The following LUZP2 variants were observed in gnomAD, a reference collection of about 807,000 sequenced individuals.
LUZP2 encodes the protein leucine zipper protein 2.
In LUZP2, 52 loss-of-function variants were observed where a neutral mutation model predicts 51.6. That is an observed-to-expected ratio of 1.01 (90% CI 0.81 to 1.27). LUZP2 has a LOEUF of 1.27. Ranked by LOEUF, LUZP2 falls within the 50% of genes most tolerant of loss-of-function variation. LUZP2 has a pLI of 0.00. For missense variants in LUZP2, 436 were observed against 395.4 expected (o/e 1.10, Z -0.87); for synonymous variants, 154 against 137.3 (o/e 1.12, Z -0.85).
Position 25,081,844 on chromosome 11 carries a change from A to T in LUZP2, c.*3186A>T, listed in dbSNP as rs899395792. 2.6e-5 allele frequency: 4 copies of T among 152,188 alleles called. No homozygotes were observed. Among genetic ancestry groups the T allele is most frequent in the Non-Finnish European group, 5.9e-5 (4 of 68,006 alleles). 9.4% of individuals were successfully genotyped at this position (152,188 alleles called of 1,614,324 possible). On this transcript the variant is annotated 3_prime_UTR_variant, in exon 12 of 12. Transcript: ENST00000336930. ...GAATTGATTCTTATTAAGAAAAAAG[A>T]TATTTTCCAATGGAGTAACTTGTTT... is the stretch of plus-strand genomic sequence containing the variant.
intron 1 of LUZP2, among the ~76,000 whole-genome samples, chr11:24,711,382 G>A (rs910788100): frequency 1.3e-5 from 2 of 151,910 alleles, no homozygotes; most frequent in Admixed American, 6.6e-5. Context: ...CCCGGGAGGC[G>A]GAGCTTGCAG....
At chr11:24,708,292 C>T (rs1442902213) in intron 1 of LUZP2, among the ~76,000 whole-genome samples, 1 of 152,034 alleles carries the variant, frequency 6.6e-6, no homozygotes, top group African/African-American at 2.4e-5. Flanking sequence ...CTCATAGTCA[C>T]ACTCAATGAT....
At chr11:24,527,270 C>G (rs1590138952) in intron 1 of LUZP2, among the ~76,000 whole-genome samples, 1 of 151,178 alleles carries the variant, frequency 6.6e-6, no homozygotes, top group South Asian at 2.1e-4. Flanking sequence ...AAAGAACAGG[C>G]AATAGTGGGA....
chr11:24,735,696 T>C (rs1242033328), intron 3 of LUZP2, among the ~76,000 whole-genome samples: 1 of 151,944 alleles, frequency 6.6e-6, no homozygotes, highest in East Asian at 1.9e-4. Context: ...AATGGTCCTT[T>C]AAAATTCTTT....
At chr11:24,694,252 T>C (rs2133894965) in intron 1 of LUZP2, among the ~76,000 whole-genome samples, 1 of 152,194 alleles carries the variant, frequency 6.6e-6, no homozygotes, top group African/African-American at 2.4e-5. Flanking sequence ...CATTATGTGT[T>C]GTTCCAGTTC....
At chr11:24,708,542 G>C (rs990212398) in intron 1 of LUZP2, among the ~76,000 whole-genome samples, 2 of 152,036 alleles carry the variant, frequency 1.3e-5, no homozygotes, top group Non-Finnish European at 2.9e-5. Flanking sequence ...TGTGTGCTGG[G>C]GTTATACTAG....
intron 3 of LUZP2, among the ~76,000 whole-genome samples, 158 bp from the exon 4 acceptor site, chr11:24,738,063 T>C (rs1026390009): frequency 3.3e-5 from 5 of 152,098 alleles, no homozygotes; most frequent in African/African-American, 9.7e-5. Context: ...ATTACCAGAA[T>C]CTTTAGACAC....
At chr11:24,660,380 T>A (rs1007396963) in intron 1 of LUZP2, among the ~76,000 whole-genome samples, 4 of 152,214 alleles carry the variant, frequency 2.6e-5, no homozygotes, top group African/African-American at 9.6e-5. Context: ...GCTACAACTA[T>A]AATGTGATGT....
rs116262355 is a variant in LUZP2 at position 24,685,231 on chromosome 11, C to T, written c.63-43938C>T. ...CCAACTTTCTTACCAAAGCTGCCAT[C>T]GAGAAAACCAAATTTATCTGTTTTT... On this transcript the variant is annotated intron_variant, in intron 1 of 11. Transcript: ENST00000336930. 7.2e-3 allele frequency among the ~76,000 whole-genome samples: 1,092 copies of T among 152,180 alleles called. 16 individuals carry two copies. Among genetic ancestry groups the T allele is most frequent in the African/African-American group, 0.025 (1,039 of 41,516 alleles).
At chr11:24,916,958 A>G (rs1271214044) in intron 7 of LUZP2, among the ~76,000 whole-genome samples, 2 of 152,162 alleles carry the variant, frequency 1.3e-5, no homozygotes, top group South Asian at 2.1e-4. Context: ...CAACAGTGTT[A>G]AAGTGTTCCT....
intron 9 of LUZP2, among the ~76,000 whole-genome samples, chr11:25,034,057 A>G (rs2404009): frequency 0.58 from 88,134 of 151,940 alleles, 26,674 homozygotes; most frequent in African/African-American, 0.76. Context: ...CAGTGTATAA[A>G]CATTCCCTTT....
chr11:24,609,669 A>C (rs1854050074), intron 1 of LUZP2, among the ~76,000 whole-genome samples: 1 of 130,212 alleles, frequency 7.7e-6, no homozygotes, highest in Non-Finnish European at 1.6e-5. Flanking sequence ...GGCGGAGGTT[A>C]CAATGAGCTG....
intron 10 of LUZP2, among the ~76,000 whole-genome samples, chr11:25,074,985 T>C (rs1250749833): frequency 2.6e-5 from 4 of 152,204 alleles, no homozygotes; most frequent in African/African-American, 9.6e-5. Flanking sequence ...TCCTACACTA[T>C]GCAAATTACT....
chr11:25,076,135 C>G (rs1159992422), intron 10 of LUZP2, among the ~76,000 whole-genome samples: 2 of 152,184 alleles, frequency 1.3e-5, no homozygotes, highest in African/African-American at 4.8e-5. Context: ...CTTCCCACTT[C>G]AGCCTCCCAG....
intron 8 of LUZP2, among the ~76,000 whole-genome samples, chr11:24,978,273 A>T (rs1457505197): frequency 6.6e-6 from 1 of 151,720 alleles, no homozygotes; most frequent in Non-Finnish European, 1.5e-5. Context: ...AACTTATGCC[A>T]ATTATTACTT....
rs570636407 is a variant in LUZP2, at chr11:25,080,278, G to A, written c.*1620G>A. The A allele has an allele frequency of 1.3e-5, 2 of 152,268 alleles. No homozygotes were observed. Among genetic ancestry groups the A allele is most frequent in the South Asian group, 4.1e-4 (2 of 4,828 alleles). 9.4% of individuals were successfully genotyped at this position (152,268 alleles called of 1,614,324 possible). On this transcript the variant is annotated 3_prime_UTR_variant, in exon 12 of 12. Transcript: ENST00000336930. ...TTATTATAAAATAGGGTTTGTGTTA[G>A]ACAATTTGCCCAACTGTAGGATGAG...
intron 6 of LUZP2, among the ~76,000 whole-genome samples, chr11:24,911,542 G>T (rs1345877643): frequency 2.0e-5 from 3 of 152,004 alleles, no homozygotes; most frequent in African/African-American, 7.2e-5. Context: ...TCCCCTGCTG[G>T]CACTCACTCT....
intron 1 of LUZP2, among the ~76,000 whole-genome samples, chr11:24,575,085 C>T (rs1199588108): frequency 1.3e-5 from 2 of 152,052 alleles, no homozygotes; most frequent in Non-Finnish European, 2.9e-5. Flanking sequence ...TTCCATTATT[C>T]TCTCTTACCT....
At chr11:25,071,432 C>T (rs1272953414) in intron 10 of LUZP2, among the ~76,000 whole-genome samples, 3 of 151,450 alleles carry the variant, frequency 2.0e-5, no homozygotes, top group East Asian at 3.9e-4. Context: ...AATGTAGGTG[C>T]TTTGTTGATC....
Sources: allele counts gnomAD v4.1 joint callset (sites outside exome capture counted in the v4.1 genomes callset), GRCh38; gene constraint gnomAD v4.1.1; transcripts MANE v1.5; gene names NCBI Gene and HGNC (gene_info 2026-07-23, HGNC 2026-07-21).